Variants in NRBP1 observed in about 807,000 individuals in gnomAD.
NRBP1 encodes nuclear receptor-binding protein.
NRBP1 carries 10 observed loss-of-function variants against 76.0 expected under a neutral mutation model. That is an observed-to-expected ratio of 0.13 (90% CI 0.08 to 0.22). NRBP1 has a LOEUF of 0.22. Among genes scored for constraint, NRBP1 ranks in the 10% least tolerant of loss-of-function variants. NRBP1 has a pLI of 1.00. For missense variants in NRBP1, 344 were observed against 646.0 expected (o/e 0.53, Z 5.07); for synonymous variants, 235 against 240.2 (o/e 0.98, Z 0.20).
chr2:27,433,920 G>A (rs367592829), intron 3 of NRBP1, 69 bp from the exon 4 acceptor site: 48 of 1,593,418 alleles, frequency 3.0e-5, no homozygotes, highest in East Asian at 1.8e-4. Flanking sequence ...GGGAGGGATA[G>A]GGAATGGCTT....
chr2:27,440,838 G>A lies in NRBP1; in HGVS notation c.1227G>A (p.Leu409=). The change falls in exon 14 of 18, where the codon CTG becomes CTA. Residue 409 remains leucine (L), a synonymous_variant. Coordinates refer to ENST00000379852, the MANE Select transcript of NRBP1 (RefSeq NM_013392.4). ...TCTATCCTCTGACAGCCTTTGGGCT[G>A]CCTCGGCCCCAGCAGCCACAGCAGG... The part of the protein sequence containing the change: ...NGIYPLTAFG[L]PRPQQPQQEE... 1 of 1,613,974 alleles carries A rather than the reference G, an allele frequency of 6.2e-7. No homozygotes were observed.
chr2:27,441,496 G>A, intron 16 of NRBP1, 71 bp from the exon 17 acceptor site: 2 of 1,534,558 alleles, frequency 1.3e-6, no homozygotes, highest in Middle Eastern at 1.7e-4. Flanking sequence ...TTTAGCCCTA[G>A]TGGGGCTGTC....
intron 1 of NRBP1, chr2:27,431,980 CT>C (rs1477749380): frequency 6.6e-6 from 1 of 152,292 alleles, no homozygotes; most frequent in African/African-American, 2.4e-5. Flanking sequence ...TCCTGAGTAG[CT>C]GGGACTACAG....
At chr2:27,431,759 C>G (rs1664122443) in intron 1 of NRBP1, 1 of 152,322 alleles carries the variant, frequency 6.6e-6, no homozygotes, top group Non-Finnish European at 1.5e-5. Flanking sequence ...GATAAGTTGG[C>G]TGAGGGTGCT....
At position 27,437,123 on chromosome 2, in the gene NRBP1, GA is replaced by G. The variant is rs534868268; in HGVS notation, c.804+19del. ...CACTGGAGGTGAGGGGACTGGAGGG[GA>G]GGGGGGAAAGGGGTCAGATGAGAAG... On this transcript the variant is annotated intron_variant, in intron 9 of 17. Transcript: ENST00000379852. The G allele has an allele frequency of 9.4e-5, 152 of 1,611,652 alleles. No homozygotes were observed. In the African/African-American group the frequency reaches 1.9e-3, roughly 20 times the overall value.
chr2:27,432,998 G>A (rs1664163319), intron 1 of NRBP1, among the ~76,000 whole-genome samples: 1 of 152,128 alleles, frequency 6.6e-6, no homozygotes, highest in African/African-American at 2.4e-5. Flanking sequence ...TCCTGCCTTA[G>A]TCTCCTGAGT....
At position 27,440,405 on chromosome 2, in the gene NRBP1, A is replaced by G. The variant is rs758633337; in HGVS notation, c.1039A>G (p.Met347Val). The part of the protein sequence containing the change: ...AAHCIVGHQH[M>V]IPENALEEIT... ...TCCCACTCCATCATGCCCTCCAGAC[A>G]TGATCCCAGAGAACGCTCTAGAGGA... is the stretch of plus-strand genomic sequence containing the variant. The change falls in exon 12 of 18, where the codon ATG becomes GTG. Residue 347 changes from methionine (M) to valine (V), a missense_variant and splice_region_variant. Met to Val is a conservative substitution (Grantham distance 21). Around this residue, in one of 3 missense-constraint regions of NRBP1, gnomAD observed 218 missense variants for 309.8 expected, o/e 0.70. Transcript: ENST00000379852. The G allele has an allele frequency of 1.2e-6, 2 of 1,606,134 alleles. No individual in the cohort carries two copies. The highest frequency in any genetic ancestry group is 1.1e-5 in the South Asian group (1 of 90,926).
In NRBP1 at chr2:27,433,337, T is replaced by C. The variant is rs1432657667; in HGVS notation, c.64T>C (p.Ser22Pro). The change falls in exon 2 of 18, where the codon TCT (serine) becomes CCT (proline). Residue 22 changes from serine (S) to proline (P), a missense_variant. Physicochemically the swap from Ser to Pro is moderately conservative, Grantham distance 74 (BLOSUM62 -1). This residue lies in a region of NRBP1 where 53 missense variants were observed against 48.4 expected (regional missense o/e 1.09). Coordinates refer to ENST00000379852, the MANE Select transcript of NRBP1 (RefSeq NM_013392.4). ...SGSDPKVESSSSAPGLTSVSP... is the reference protein window; with the variant it reads ...SGSDPKVESSPSAPGLTSVSP... ...CTCAGACCCAAAGGTAGAATCCTCA[T>C]CTTCAGCTCCTGGCCTGACATCAGT... is the stretch of plus-strand genomic sequence containing the variant. 1.2e-6 allele frequency: 2 copies of C among 1,614,246 alleles called. No homozygotes were observed. The highest frequency in any genetic ancestry group is 1.7e-6 in the Non-Finnish European group (2 of 1,180,044).
intron 12 of NRBP1, 61 bp downstream of exon 12, chr2:27,440,569 A>G (rs1664500345): frequency 6.2e-7 from 1 of 1,601,132 alleles, no homozygotes; most frequent in Non-Finnish European, 8.6e-7. Context: ...GAGGCTCTGT[A>G]AACTGTCCAT....
chr2:27,436,947 A>G, intron 8 of NRBP1, 100 bp from the exon 9 acceptor site: 1 of 1,465,106 alleles, frequency 6.8e-7, no homozygotes, highest in Non-Finnish European at 9.4e-7. Flanking sequence ...CTACCAGCAT[A>G]CAAAATATTT....
At chr2:27,428,424 G>A (rs1572681828), upstream of NRBP1, 1 of 379,570 alleles carries the variant, frequency 2.6e-6, no homozygotes, top group Non-Finnish European at 4.7e-6. Context: ...ACAGAGAGAC[G>A]AGCCCCAGCT....
At position 27,441,718 on chromosome 2, in the gene NRBP1, G is replaced by A. The variant is rs1381091916; in HGVS notation, c.1514G>A (p.Ser505Asn). The change falls in exon 18 of 18, where the codon AGC becomes AAC. Residue 505 changes from serine to asparagine, a missense_variant. By Grantham distance (46) the Ser-to-Asn change is conservative. This residue lies in a region of NRBP1 where 218 missense variants were observed against 309.8 expected (regional missense o/e 0.70). Transcript: ENST00000379852. ...GCTCTTCTCCCCCAGGCTGACCAGA[G>A]CCGGTTGACTTCTCTGCTAGAAGAG... The part of the protein sequence containing the change: ...QLGFISEADQ[S>N]RLTSLLEETL... 2 of 1,613,942 alleles carry A rather than the reference G, an allele frequency of 1.2e-6. No individual in the cohort carries two copies. The highest frequency in any genetic ancestry group is 1.7e-5 in the Admixed American group (1 of 60,006).
chr2:27,433,943 A>T, intron 3 of NRBP1, 46 bp from the exon 4 acceptor site: 1 of 1,550,622 alleles, frequency 6.4e-7, no homozygotes, highest in Non-Finnish European at 8.7e-7. Context: ...CAGGATTATT[A>T]CAGTGATTTG....
chr2:27,440,252 G>C (rs918879242), intron 11 of NRBP1, 151 bp from the exon 12 acceptor site: 1 of 633,146 alleles, frequency 1.6e-6, no homozygotes, highest in Admixed American at 2.7e-5. Flanking sequence ...CAAGTGATCT[G>C]TCCGCCTCGG....
intron 1 of NRBP1, among the ~76,000 whole-genome samples, chr2:27,433,026 C>T (rs750037494): frequency 1.2e-4 from 18 of 152,104 alleles, no homozygotes; most frequent in Non-Finnish European, 2.1e-4. Context: ...ACTACAGGCA[C>T]GCGTCACCAC....
chr2:27,429,552 A>G (rs932117206), intron 1 of NRBP1, among the ~76,000 whole-genome samples: 1 of 152,192 alleles, frequency 6.6e-6, no homozygotes, highest in Non-Finnish European at 1.5e-5. Flanking sequence ...ATGGGAGTAT[A>G]TGAGCTTTTC....
chr2:27,439,415 G>A (rs1409084198), intron 10 of NRBP1, among the ~76,000 whole-genome samples: 1 of 150,754 alleles, frequency 6.6e-6, no homozygotes, highest in Non-Finnish European at 1.5e-5. Flanking sequence ...AACCCGGTAG[G>A]CAGAGGTTGC....
rs1225927994 is a variant in NRBP1, at chr2:27,436,087, C to T, written c.662-666C>T. 21 of 433,604 alleles carry T rather than the reference C, an allele frequency of 4.8e-5. No homozygotes were observed. The Admixed American group carries it at 7.0e-4, about 15-fold the overall frequency. 26.9% of individuals were successfully genotyped at this position (433,604 alleles called of 1,614,324 possible). A position where few individuals can be genotyped will look rare whatever the true frequency, so the allele number is the denominator to read the frequency against. ...TCCAAATTGGGCCTGGTCCTGGTTCCTCGTTCAGCTCTGTGGCAGACAGTG... is the reference window on the plus strand; with the variant it reads ...TCCAAATTGGGCCTGGTCCTGGTTCTTCGTTCAGCTCTGTGGCAGACAGTG... On this transcript the variant is annotated intron_variant, in intron 7 of 17. Coordinates refer to ENST00000379852, the MANE Select transcript of NRBP1 (RefSeq NM_013392.4).
intron 14 of NRBP1, 49 bp from the exon 15 acceptor site, chr2:27,441,078 G>C (rs771306761): frequency 6.2e-7 from 1 of 1,610,972 alleles, no homozygotes; most frequent in Non-Finnish European, 8.5e-7. Flanking sequence ...TCTAGGTATT[G>C]GGTTTTTTAT....
Sources: gnomAD v4.1 joint callset for allele counts (sites outside exome capture counted in the v4.1 genomes callset) on GRCh38, gnomAD v4.1.1 for gene constraint, gnomAD v4.1.1 regional missense constraint, MANE v1.5 for transcripts, NCBI Gene and HGNC (gene_info 2026-07-23, HGNC 2026-07-21) for gene names.